Variants in TTN observed in about 807,000 individuals in gnomAD.
The protein encoded by TTN is titin.
Under a neutral mutation model 3,223.0 loss-of-function variants are expected in TTN, and 1,525 were observed. The ratio of observed to expected loss-of-function variants is 0.47; its 90% CI spans 0.45 to 0.49. The LOEUF (loss-of-function observed/expected upper bound fraction) is 0.49, where lower values mean the gene tolerates loss of function less well. TTN is among the 20% of genes least tolerant of loss of function. TTN has a pLI of 0.00. For synonymous variants in TTN, 14,094 were observed against 15,161.0 expected (o/e 0.93, Z 5.17); for missense variants, 40,786 against 43,424.0 (o/e 0.94, Z 5.40).
chr2:178,785,979 C>G lies in TTN; in HGVS notation c.2239G>C (p.Ala747Pro). Residue 747 changes from alanine (A) to proline (P), a missense_variant, in exon 14 of 363, where the codon GCT becomes CCT. Ala to Pro is a conservative substitution (Grantham distance 27, BLOSUM62 -1). Coordinates refer to ENST00000589042, the MANE Select transcript of TTN (RefSeq NM_001267550.2). Reference sequence around the variant, plus strand: ...GAGGCTGGACGTTGGGGAGGCTCAGCTACCTTTGCGGCGGAAATGCGTTCC... The same window carrying G: ...GAGGCTGGACGTTGGGGAGGCTCAGGTACCTTTGCGGCGGAAATGCGTTCC... ...YKERISAAKV[A>P]EPPQRPASEP... 1 of 1,614,134 alleles carries G rather than the reference C, an allele frequency of 6.2e-7. No homozygotes were observed. Among genetic ancestry groups the G allele is most frequent in the Non-Finnish European group, 8.5e-7 (1 of 1,180,008 alleles).
chr2:178,728,597 T>G lies in TTN; in HGVS notation c.19329A>C (p.Arg6443Ser). 1 of 1,613,254 alleles carries G rather than the reference T, an allele frequency of 6.2e-7. No individual in the cohort carries two copies. The highest frequency in any genetic ancestry group is 1.1e-5 in the South Asian group (1 of 91,056). Residue 6443 changes from arginine (R) to serine (S), a missense_variant, in exon 66 of 363, where the codon AGA becomes AGC. Transcript: ENST00000589042. ...MSFENNVASF[R>S]IQSVMKQDSG... ...TGTCCTGCTTCATTACTGACTGAAT[T>G]CTAAAACTGGCCACGTTATTTTCAA... is the stretch of plus-strand genomic sequence containing the variant.
rs527297991 is a variant in TTN, at chr2:178,591,374, A to G, written c.60351T>C (p.Ser20117=). The part of the protein sequence containing the change: ...VPTAKWTTDG[S]EIKTDEHYTV... ...TGTAGTGCTCATCGGTTTTAATCTC[A>G]CTCCCATCGGTTGTCCACTTTGCAG... The change falls in exon 304 of 363, where the codon AGT becomes AGC. Residue 20117 remains serine, a synonymous_variant. Coordinates refer to ENST00000589042, the MANE Select transcript of TTN (RefSeq NM_001267550.2). 1.9e-6 allele frequency: 3 copies of G among 1,612,644 alleles called. No individual in the cohort carries two copies. Among genetic ancestry groups the G allele is most frequent in the African/African-American group, 1.3e-5 (1 of 74,854 alleles).
chr2:178,623,513 A>T (rs1044268121), intron 242 of TTN, among the ~76,000 whole-genome samples: 2 of 151,886 alleles, frequency 1.3e-5, no homozygotes, highest in East Asian at 1.9e-4. Context: ...TAAGATTCTG[A>T]GACAAATGCT....
chr2:178,705,024 G>A (rs1409082094), intron 103 of TTN, 58 bp from the exon 104 acceptor site: 5 of 1,592,350 alleles, frequency 3.1e-6, no homozygotes, highest in South Asian at 1.1e-5. Context: ...TTTAGAGGAC[G>A]CATGACTATA....
rs1553907288 is a variant in TTN, at chr2:178,720,537, A to G, written c.23225T>C (p.Val7742Ala). The change falls in exon 80 of 363, where the codon GTT becomes GCT. Residue 7742 changes from valine (V) to alanine (A), a missense_variant. By Grantham distance (64) the Val-to-Ala change is moderately conservative (BLOSUM62 0). Transcript: ENST00000589042. ...EVVWVKDRKQ[V>A]RNSKKFKITS... ...GATTTTAAATTTCTTGCTGTTTCTAACCTGCTTTCGATCTTTAACCCATAC... is the reference window on the plus strand; with the variant it reads ...GATTTTAAATTTCTTGCTGTTTCTAGCCTGCTTTCGATCTTTAACCCATAC... 1.9e-6 allele frequency: 3 copies of G among 1,613,564 alleles called. No homozygotes were observed. Among genetic ancestry groups the G allele is most frequent in the Non-Finnish European group, 2.5e-6 (3 of 1,179,632 alleles).
At position 178,575,960 on chromosome 2, in the gene TTN, A is replaced by G. The variant is rs375202101; in HGVS notation, c.70172T>C (p.Ile23391Thr). ...AAGAGTAAATGATTCCGTATTTTCA[A>G]TGTTGGCTCGGTTTTTCAGGTTGAT... ...DNINLKNRAN[I>T]ENTESFTLLI... The change falls in exon 326 of 363, where the codon ATT becomes ACT. Residue 23391 changes from isoleucine to threonine, a missense_variant. Transcript: ENST00000589042. The surrounding 1 kb of genome is among the most constrained non-coding windows in gnomAD (Gnocchi z 4.0). 2.3e-5 allele frequency: 37 copies of G among 1,611,394 alleles called. No individual in the cohort carries two copies. Among genetic ancestry groups the G allele is most frequent in the African/African-American group, 1.2e-4 (9 of 74,854 alleles).
chr2:178,706,068 T>C (rs1331028774), intron 102 of TTN, among the ~76,000 whole-genome samples: 1 of 152,228 alleles, frequency 6.6e-6, no homozygotes, highest in Non-Finnish European at 1.5e-5. Context: ...TATATGCCTA[T>C]GTTCTTTAAC....
chr2:178,619,835 A>T lies in TTN; in HGVS notation c.46482T>A (p.Gly15494=). ...RPPQDILEAP[G]ADVVFLAELN... is the part of the protein sequence containing the mutation. ...GTTCTGCTAAAAAGACAACATCAGCACCAGGGGCTTCAAGAATATCTTGTG... is the reference window on the plus strand; with the variant it reads ...GTTCTGCTAAAAAGACAACATCAGCTCCAGGGGCTTCAAGAATATCTTGTG... Residue 15494 remains glycine, a synonymous_variant, in exon 250 of 363, where the codon GGT becomes GGA. Transcript: ENST00000589042. 2 of 1,612,126 alleles carry T rather than the reference A, an allele frequency of 1.2e-6. No homozygotes were observed. Among genetic ancestry groups the T allele is most frequent in the East Asian group, 4.5e-5 (2 of 44,696 alleles).
intron 1 of TTN, among the ~76,000 whole-genome samples, chr2:178,805,145 C>T (rs933239998): frequency 1.3e-5 from 2 of 151,638 alleles, no homozygotes; most frequent in South Asian, 4.2e-4. Context: ...GAGTTTGAGA[C>T]CAGTTTGGCT....
At position 178,557,178 on chromosome 2, in the gene TTN, T is replaced by TA. The variant is rs766341662; in HGVS notation, c.88010-35dup. Reference sequence around the variant, plus strand: ...ATAAGAGAAGCAGATTAGCGGCACTTATAATATTTTGCTTCGCAGAAGTAA... The same window carrying TA: ...ATAAGAGAAGCAGATTAGCGGCACTTAATAATATTTTGCTTCGCAGAAGTAA... On this transcript the variant is annotated intron_variant, in intron 329 of 362. Coordinates refer to ENST00000589042, the MANE Select transcript of TTN (RefSeq NM_001267550.2). The TA allele has an allele frequency of 4.3e-6, 7 of 1,612,512 alleles. No homozygotes were observed. In the East Asian group the frequency reaches 1.3e-4, roughly 31 times the overall value.
At position 178,590,116 on chromosome 2, in the gene TTN, T is replaced by C; in HGVS notation, c.61609A>G (p.Lys20537Glu). 2 of 1,613,290 alleles carry C rather than the reference T, an allele frequency of 1.2e-6. No individual in the cohort carries two copies. Among genetic ancestry groups the C allele is most frequent in the African/African-American group, 2.7e-5 (2 of 75,006 alleles). Residue 20537 changes from lysine to glutamate, a missense_variant, in exon 304 of 363, where the codon AAA (lysine) becomes GAA (glutamate). Lys to Glu is a moderately conservative substitution (Grantham distance 56). Transcript: ENST00000589042. ...QDLPRVELQI[K>E]EAVRADHGKY... ...CCATGATCAGCTCTAACAGCTTCTT[T>C]AATTTGTAACTCAACACGAGGTAGA...
At position 178,545,994 on chromosome 2, in the gene TTN, G is replaced by T. The variant is rs142525903; in HGVS notation, c.95242C>A (p.Arg31748Ser). Reference protein sequence around the residue: ...AEITHYIVERRETSRLNWVIV... With the variant: ...AEITHYIVERSETSRLNWVIV... ...ACCCAGTTGAGCCTGCTAGTCTCGC[G>T]TCTTTCCACGATGTAGTGAGTGATT... The change falls in exon 343 of 363, where the codon CGC becomes AGC. Residue 31748 changes from arginine (R) to serine (S), a missense_variant. Coordinates refer to ENST00000589042, the MANE Select transcript of TTN (RefSeq NM_001267550.2). 6.2e-7 allele frequency: 1 copy of T among 1,613,794 alleles called. No individual in the cohort carries two copies. The highest frequency in any genetic ancestry group is 1.1e-5 in the South Asian group (1 of 91,082).
intron 250 of TTN, chr2:178,619,060 T>C (rs2057845578): frequency 9.2e-6 from 6 of 651,304 alleles, no homozygotes; most frequent in Non-Finnish European, 1.3e-5. Context: ...GAGTAGAGGA[T>C]TGAGAATGGC....
At chr2:178,704,847 T>A in intron 104 of TTN, 30 bp downstream of exon 104, 1 of 1,610,524 alleles carries the variant, frequency 6.2e-7, no homozygotes, top group Non-Finnish European at 8.5e-7. Flanking sequence ...AATAACTTGT[T>A]CATTTTATTA....
At chr2:178,610,897 G>T in intron 270 of TTN, 96 bp downstream of exon 270, 1 of 1,479,702 alleles carries the variant, frequency 6.8e-7, no homozygotes. Flanking sequence ...CAAGTGGCCA[G>T]TTCATGAAGC....
rs779156334 is a variant in TTN, at chr2:178,631,000, G to A, written c.44014+34C>T. The A allele has an allele frequency of 4.3e-6, 7 of 1,612,032 alleles. No homozygotes were observed. In the Admixed American group the frequency reaches 1.0e-4, roughly 23 times the overall value. ...AGCCTCTGGCACAAATAACCCCAAT[G>A]CTTCAAGAGTGAAACTCATGGAAAT... On this transcript the variant is annotated intron_variant, in intron 237 of 362. Transcript: ENST00000589042.
At chr2:178,751,441 C>T (rs2085472303) in intron 47 of TTN, 1 of 1,612,982 alleles carries the variant, frequency 6.2e-7, no homozygotes, top group Non-Finnish European at 8.5e-7. Flanking sequence ...TAGTTCTCAT[C>T]ATTCCCTTTT....
Position 178,701,178 on chromosome 2 carries a change from A to G in TTN, c.30624T>C (p.Pro10208=). ...CGGGTGTTGGTAGCAAAAGGGGGAT[A>G]GGAGGAGCAACCACAGGAGGGATTT... ...PEEIPPVVAP[P]IPLLLPTPEE... is the part of the protein sequence containing the mutation. Residue 10208 remains proline (P), a synonymous_variant, in exon 111 of 363, where the codon CCT becomes CCC. Transcript: ENST00000589042. The G allele has an allele frequency of 6.2e-7, 1 of 1,613,554 alleles. No individual in the cohort carries two copies. The highest frequency in any genetic ancestry group is 8.5e-7 in the Non-Finnish European group (1 of 1,179,684).
rs1700018329 is a variant in TTN at position 178,553,037 on chromosome 2, C to T, written c.89863G>A (p.Asp29955Asn). Residue 29955 changes from aspartate (D) to asparagine (N), a missense_variant, in exon 335 of 363, where the codon GAT (aspartate) becomes AAT (asparagine). By Grantham distance (23) the Asp-to-Asn change is conservative (BLOSUM62 1). Transcript: ENST00000589042. Reference sequence around the variant, plus strand: ...GATCCTCCATCAATGAGAGGAGGATCCCAGAGCAAAGTGACTGTGCCTCGA... The same window carrying T: ...GATCCTCCATCAATGAGAGGAGGATTCCAGAGCAAAGTGACTGTGCCTCGA... ...VSRGTVTLLW[D>N]PPLIDGGSPI... is the part of the protein sequence containing the mutation. 2 of 1,611,940 alleles carry T rather than the reference C, an allele frequency of 1.2e-6. No homozygotes were observed. Among genetic ancestry groups the T allele is most frequent in the Non-Finnish European group, 1.7e-6 (2 of 1,179,720 alleles).
Sources: allele counts gnomAD v4.1 joint callset (sites outside exome capture counted in the v4.1 genomes callset), GRCh38; gene constraint gnomAD v4.1.1; non-coding constraint Gnocchi (gnomAD v3.1); transcripts MANE v1.5; gene names NCBI Gene and HGNC (gene_info 2026-07-23, HGNC 2026-07-21).